The following BAIAP2 variants were observed in gnomAD, a reference collection of about 807,000 sequenced individuals.
The protein encoded by BAIAP2 is BAR/IMD domain containing adaptor protein 2, also known as BAR/IMD domain-containing adapter protein 2.
BAIAP2 carries 18 observed loss-of-function variants against 63.0 expected under a neutral mutation model. That is an observed-to-expected ratio of 0.29 (90% confidence interval 0.20 to 0.42). BAIAP2 has a LOEUF of 0.42. Ranked by LOEUF, BAIAP2 falls within the 10% of genes least tolerant of loss-of-function variation. The pLI, the probability that BAIAP2 is intolerant of heterozygous loss-of-function variation, is 1.00. For synonymous variants in BAIAP2, 386 were observed against 307.6 expected, an observed-to-expected ratio of 1.25 and a Z score of -2.67; for missense variants, 610 against 734.3, an observed-to-expected ratio of 0.83 and a Z score of 1.96.
chr17:81,106,843 C>G lies in BAIAP2; in HGVS notation c.1436C>G (p.Pro479Arg). ...TACGGCGCCGCCTCCCGGGCCTTCC[C>G]CGCCCAGACGGCCAGCGGCTTCAAG... is the stretch of plus-strand genomic sequence containing the variant. The part of the protein sequence containing the change: ...PDYGAASRAF[P>R]AQTASGFKQR... Residue 479 changes from proline (P) to arginine (R), a missense_variant, in exon 12 of 14, where the codon CCC becomes CGC. Coordinates refer to ENST00000428708, the MANE Select transcript of BAIAP2 (RefSeq NM_001144888.2). 6.2e-7 allele frequency: 1 copy of G among 1,610,060 alleles called. No homozygotes were observed. The highest frequency in any genetic ancestry group is 8.5e-7 in the Non-Finnish European group (1 of 1,178,564).
intron 1 of BAIAP2, among the ~76,000 whole-genome samples, chr17:81,044,757 G>A (rs73364028): frequency 2.6e-5 from 4 of 152,238 alleles, no homozygotes; most frequent in Non-Finnish European, 5.9e-5. Context: ...ACCTCAGTCA[G>A]ATCGCAGCCC....
Position 81,046,715 on chromosome 17 carries a change from C to T in BAIAP2, c.55-6953C>T, listed in dbSNP as rs1004293377. On this transcript the variant is annotated intron_variant, in intron 1 of 13. Transcript: ENST00000428708. The surrounding 1 kb of genome is among the most constrained non-coding windows in gnomAD (Gnocchi z 4.5). ...AGGACACTGTCCACTGCTGCAGGGC[C>T]CCTCCTGTACCTCCCTAGTCCATGC... 6.6e-6 allele frequency among the ~76,000 whole-genome samples: 1 copy of T among 152,222 alleles called. No individual in the cohort carries two copies. The highest frequency in any genetic ancestry group is 6.5e-5 in the Admixed American group (1 of 15,290).
At chr17:81,088,939 C>T (rs151139093) in intron 6 of BAIAP2, among the ~76,000 whole-genome samples, 1 of 152,360 alleles carries the variant, frequency 6.6e-6, no homozygotes, top group African/African-American at 2.4e-5. Flanking sequence ...GGCCTGAGGC[C>T]CCCACGCAGT....
At chr17:81,066,173 G>C (rs1348477758) in intron 3 of BAIAP2, among the ~76,000 whole-genome samples, 5 of 152,232 alleles carry the variant, frequency 3.3e-5, no homozygotes, top group Non-Finnish European at 7.3e-5. Context: ...AGGCCGCTGT[G>C]TACCCGCTGG....
chr17:81,072,112 G>T (rs543651726), intron 3 of BAIAP2, among the ~76,000 whole-genome samples: 10 of 152,286 alleles, frequency 6.6e-5, no homozygotes, highest in Admixed American at 2.0e-4. Context: ...TGTGGGTGCC[G>T]TGCCCTCCCC....
chr17:81,039,405 C>A (rs1046221816), intron 1 of BAIAP2, among the ~76,000 whole-genome samples: 2 of 152,220 alleles, frequency 1.3e-5, no homozygotes, highest in African/African-American at 4.8e-5. Context: ...GTGTCCCATG[C>A]CTGCTGTGCC....
chr17:81,086,351 G>A (rs966585683), intron 5 of BAIAP2, 92 bp from the exon 6 acceptor site: 57 of 1,517,648 alleles, frequency 3.8e-5, no homozygotes, highest in African/African-American at 1.5e-4. Flanking sequence ...ACCCCGTTGC[G>A]TTGGGCTCAT....
At chr17:81,065,015 T>G (rs919611099) in intron 3 of BAIAP2, among the ~76,000 whole-genome samples, 1 of 152,230 alleles carries the variant, frequency 6.6e-6, no homozygotes, top group Non-Finnish European at 1.5e-5. Flanking sequence ...TGTTTCTCCC[T>G]TCCAGCTCCG....
At position 81,116,101 on chromosome 17, in the gene BAIAP2, G is replaced by A; in HGVS notation, c.*262G>A. On this transcript the variant is annotated 3_prime_UTR_variant, in exon 14 of 14. Transcript: ENST00000428708. ...CCGCCTCTTGAGGGTACACGCCTCT[G>A]GTCACATGGCCATGGAGCCTTGGGT... 4 of 1,541,598 alleles carry A rather than the reference G, an allele frequency of 2.6e-6. No homozygotes were observed. Among genetic ancestry groups the A allele is most frequent in the South Asian group, 2.4e-5 (2 of 82,582 alleles).
chr17:81,057,647 T>A, intron 2 of BAIAP2: 1 of 1,303,276 alleles, frequency 7.7e-7, no homozygotes. Context: ...GGACCTGAAC[T>A]GGTACGTTGT....
intron 1 of BAIAP2, among the ~76,000 whole-genome samples, chr17:81,038,993 TGTGCACAC>T (rs996202766): frequency 6.6e-6 from 1 of 152,064 alleles, no homozygotes; most frequent in African/African-American, 2.4e-5. Context: ...TGTGTCCGTG[TGTGCACAC>T]GTGCATGCAG....
chr17:81,046,229 C>A lies in BAIAP2; in HGVS notation c.55-7439C>A, dbSNP rs983193813. 6.6e-6 allele frequency among the ~76,000 whole-genome samples: 1 copy of A among 152,138 alleles called. No individual in the cohort carries two copies. The highest frequency in any genetic ancestry group is 1.5e-5 in the Non-Finnish European group (1 of 67,998). On this transcript the variant is annotated intron_variant, in intron 1 of 13. Transcript: ENST00000428708. This position sits in a 1 kb window ranked among gnomAD's most constrained non-coding sequence, Gnocchi z 4.5. ...CCTTCAGGCCCCCGTCCTAACCCTG[C>A]GCGCCGTTTCCTCCCAGAAACTTCC...
Position 81,035,528 on chromosome 17 carries a change from C to A in BAIAP2, c.54+220C>A, listed in dbSNP as rs1031557013. On this transcript the variant is annotated intron_variant, in intron 1 of 13. Coordinates refer to ENST00000428708, the MANE Select transcript of BAIAP2 (RefSeq NM_001144888.2). ...AGGTGGCCACCCCCGCCCGGGCCCC[C>A]CCATCCCATGCGCGCCGCGGCCCGG... Among the ~76,000 whole-genome samples the A allele has an allele frequency of 9.3e-4, 139 of 149,454 alleles. 2 individuals carry two copies. The East Asian group carries it at 0.022, about 24-fold the overall frequency.
At chr17:81,042,908 G>A (rs2047286648) in intron 1 of BAIAP2, among the ~76,000 whole-genome samples, 1 of 151,768 alleles carries the variant, frequency 6.6e-6, no homozygotes, top group South Asian at 2.1e-4. Context: ...ATTTAAGACA[G>A]AGTCTTGTTC....
At chr17:81,105,077 CGGGTCTCCCCCCAGCGGCAG>C (rs34321119) in intron 10 of BAIAP2, 8 of 185,682 alleles carry the variant, frequency 4.3e-5, no homozygotes, top group Non-Finnish European at 8.9e-5. Flanking sequence ...CCCAATGGCT[CGGGTCTCCCCCCAGCGGCAG>C]GGGTCTCCCC....
intron 3 of BAIAP2, among the ~76,000 whole-genome samples, chr17:81,069,494 G>A (rs1465379342): frequency 6.6e-6 from 1 of 152,224 alleles, no homozygotes; most frequent in African/African-American, 2.4e-5. Context: ...GCTTCTCGGC[G>A]GCCCCCGCTC....
At chr17:81,048,364 A>G (rs1598512649) in intron 1 of BAIAP2, among the ~76,000 whole-genome samples, 2 of 151,376 alleles carry the variant, frequency 1.3e-5, no homozygotes, top group South Asian at 2.1e-4. Context: ...CTCAAAAAAA[A>G]AAAAAAAAAA....
At chr17:81,071,067 C>G (rs1244966190) in intron 3 of BAIAP2, among the ~76,000 whole-genome samples, 3 of 151,878 alleles carry the variant, frequency 2.0e-5, no homozygotes, top group Non-Finnish European at 4.4e-5. Flanking sequence ...GCAGCGTCAG[C>G]TACCGTCATC....
intron 4 of BAIAP2, 76 bp from the exon 5 acceptor site, chr17:81,085,578 T>A: frequency 7.6e-7 from 1 of 1,308,998 alleles, no homozygotes; most frequent in Non-Finnish European, 1.1e-6. Flanking sequence ...GCCCATCCGC[T>A]CTAGCCCTGC....
Sources: gnomAD v4.1 joint callset for allele counts (sites outside exome capture counted in the v4.1 genomes callset) on GRCh38, gnomAD v4.1.1 for gene constraint, Gnocchi (gnomAD v3.1) non-coding constraint, MANE v1.5 for transcripts, NCBI Gene and HGNC (gene_info 2026-07-23, HGNC 2026-07-21) for gene names.